The following ADAMTSL4 variants were observed in gnomAD, a reference collection of about 807,000 sequenced individuals.
ADAMTSL4 encodes ADAMTS like 4.
ADAMTSL4 carries 97 observed loss-of-function variants against 122.8 expected under a neutral mutation model. That is an observed-to-expected ratio of 0.79 (90% CI 0.67 to 0.93). ADAMTSL4 has a LOEUF of 0.93. Ranked by LOEUF, ADAMTSL4 falls within the 40% of genes least tolerant of loss-of-function variation. The probability of loss-of-function intolerance (pLI) is 0.00; values close to 1 mark genes in which losing one functional copy is unlikely to be tolerated. For missense variants in ADAMTSL4, 1,408 were observed against 1,453.5 expected, an observed-to-expected ratio of 0.97 and a Z score of 0.51; for synonymous variants, 592 against 568.0, an observed-to-expected ratio of 1.04 and a Z score of -0.60.
intron 13 of ADAMTSL4, 158 bp downstream of exon 13, chr1:150,557,781 C>T: frequency 2.3e-6 from 3 of 1,306,342 alleles, no homozygotes; most frequent in African/African-American, 1.5e-5. Context: ...AGCAAGAAAG[C>T]CATGGCAGGC....
chr1:150,553,690 T>C lies in ADAMTSL4; in HGVS notation c.699T>C (p.Pro233=), dbSNP rs1671682027. Residue 233 remains proline, a synonymous_variant, in exon 6 of 19, where the codon CCT becomes CCC. Transcript: ENST00000271643. ...TPSPQAEPLS[P]ETAQTEVAPR... is the part of the protein sequence containing the mutation. ...CCCCCCAAGCAGAACCTCTAAGCCC[T>C]GAAACTGCTCAGACAGAGGTGGCCC... 6.2e-7 allele frequency: 1 copy of C among 1,607,342 alleles called. No individual in the cohort carries two copies. Among genetic ancestry groups the C allele is most frequent in the Non-Finnish European group, 8.5e-7 (1 of 1,177,896 alleles).
chr1:150,554,356 T>G lies in ADAMTSL4; in HGVS notation c.1132-9T>G, dbSNP rs778620331. The stretch of plus-strand genomic sequence containing the variant: ...CCCAGCTCTGACTCCTTTGTACCCC[T>G]CACCGCAGCCCTGCCCCCCTGAGCA... On this transcript the variant is annotated splice_polypyrimidine_tract_variant and intron_variant, in intron 6 of 18. Transcript: ENST00000271643. The surrounding 1 kb of genome is among the most constrained non-coding windows in gnomAD (Gnocchi z 4.0). 1 of 1,611,398 alleles carries G rather than the reference T, an allele frequency of 6.2e-7. No individual in the cohort carries two copies. Among genetic ancestry groups the G allele is most frequent in the East Asian group, 2.2e-5 (1 of 44,848 alleles).
In ADAMTSL4 at chr1:150,557,964, A is replaced by T. The variant is rs771617093; in HGVS notation, c.2197A>T (p.Thr733Ser). The change falls in exon 14 of 19, where the codon ACA becomes TCA. Residue 733 changes from threonine to serine, a missense_variant. By Grantham distance (58) the Thr-to-Ser change is moderately conservative (BLOSUM62 1). Transcript: ENST00000271643. ...CTGCAGCTGGGAGGCTGGCGAGTGG[A>T]CATCCTGCAGCCGCTCCTGTGGCCC... is the stretch of plus-strand genomic sequence containing the variant. ...CPPYWEAGEW[T>S]SCSRSCGPGT... is the part of the protein sequence containing the mutation. The T allele has an allele frequency of 5.0e-6, 8 of 1,608,746 alleles. No homozygotes were observed. In the South Asian group the frequency reaches 5.5e-5, roughly 11 times the overall value.
chr1:150,554,779 A>G lies in ADAMTSL4; in HGVS notation c.1234+312A>G. ...GTGGGAGAGATCCTGTCCAGCCGTG[A>G]CAGCCAGGTGGGGGTGTGCCACGCA... On this transcript the variant is annotated intron_variant, in intron 7 of 18. Transcript: ENST00000271643. The surrounding 1 kb of genome is among the most constrained non-coding windows in gnomAD (Gnocchi z 4.0). 1 of 959,938 alleles carries G rather than the reference A, an allele frequency of 1.0e-6. No individual in the cohort carries two copies. Among genetic ancestry groups the G allele is most frequent in the Non-Finnish European group, 1.5e-6 (1 of 655,454 alleles). The allele number at this position is 959,938 out of a possible 1,614,324, so 59.5% of individuals were successfully genotyped here. A position where few individuals can be genotyped will look rare whatever the true frequency, so the allele number is the denominator to read the frequency against.
At position 150,552,742 on chromosome 1, in the gene ADAMTSL4, C is replaced by G. The variant is rs1671551900; in HGVS notation, c.78+142C>G. Reference sequence around the variant, plus strand: ...CTGCCAACTCCCCAGTTCCTTGCCTCATAACACCAAGAGGCCGAGGTGTAG... The same window carrying G: ...CTGCCAACTCCCCAGTTCCTTGCCTGATAACACCAAGAGGCCGAGGTGTAG... On this transcript the variant is annotated intron_variant, in intron 4 of 18. Coordinates refer to ENST00000271643, the MANE Select transcript of ADAMTSL4 (RefSeq NM_019032.6). This position sits in a 1 kb window ranked among gnomAD's most constrained non-coding sequence, Gnocchi z 4.0. 1 of 1,319,528 alleles carries G rather than the reference C, an allele frequency of 7.6e-7. No individual in the cohort carries two copies. The highest frequency in any genetic ancestry group is 2.4e-5 in the East Asian group (1 of 40,874). 81.7% of individuals were successfully genotyped at this position (1,319,528 alleles called of 1,614,324 possible).
rs587596747 is a variant in ADAMTSL4, at chr1:150,559,294, C to T, written c.2771C>T (p.Ser924Phe). Residue 924 changes from serine (S) to phenylalanine (F), a missense_variant, in exon 17 of 19, where the codon TCC (serine) becomes TTC (phenylalanine). By Grantham distance (155) the Ser-to-Phe change is radical. Transcript: ENST00000271643. This position sits in a 1 kb window ranked among gnomAD's most constrained non-coding sequence, Gnocchi z 4.1. ...GCCCTCCCCCTACACTAGTGCTCCT[C>T]CGAATGTGGCTCTGGCACACAGCGT... The part of the protein sequence containing the change: ...WYTGPWGECS[S>F]ECGSGTQRRD... The T allele has an allele frequency of 6.2e-7, 1 of 1,614,078 alleles. No individual in the cohort carries two copies. Among genetic ancestry groups the T allele is most frequent in the South Asian group, 1.1e-5 (1 of 91,084 alleles).
chr1:150,555,954 C>T, intron 8 of ADAMTSL4: 2 of 628,262 alleles, frequency 3.2e-6, no homozygotes, highest in South Asian at 1.9e-5. Context: ...GAATTCTCAC[C>T]TGCCAAGCTG....
intron 2 of ADAMTSL4, chr1:150,551,153 C>T: frequency 2.7e-6 from 1 of 370,986 alleles, no homozygotes. Flanking sequence ...AGATGGACTT[C>T]CCGGCTCTTC....
At position 150,552,159 on chromosome 1, in the gene ADAMTSL4, C is replaced by A; in HGVS notation, c.-84-46C>A. The A allele has an allele frequency of 1.0e-6, 1 of 964,850 alleles. No homozygotes were observed. The highest frequency in any genetic ancestry group is 1.6e-6 in the Non-Finnish European group (1 of 644,444). The allele number at this position is 964,850 out of a possible 1,614,324, so 59.8% of individuals were successfully genotyped here. ...TCTGAGCTGTCCTCCCAGCCCCAAG[C>A]TCTCTGGACACTGGAGAGGTAACCA... is the stretch of plus-strand genomic sequence containing the variant. On this transcript the variant is annotated intron_variant, in intron 2 of 18. Transcript: ENST00000271643. This position sits in a 1 kb window ranked among gnomAD's most constrained non-coding sequence, Gnocchi z 4.0.
intron 12 of ADAMTSL4, 42 bp from the exon 13 acceptor site, chr1:150,557,452 C>T: frequency 6.2e-7 from 1 of 1,612,504 alleles, no homozygotes. Flanking sequence ...TGAGCTTGGG[C>T]TCTAGCCTCC....
rs1672126735 is a variant in ADAMTSL4, at chr1:150,556,426, C to T, written c.1576+60C>T. 1 of 1,603,698 alleles carries T rather than the reference C, an allele frequency of 6.2e-7. No homozygotes were observed. The highest frequency in any genetic ancestry group is 8.5e-7 in the Non-Finnish European group (1 of 1,173,650). On this transcript the variant is annotated intron_variant, in intron 9 of 18. Coordinates refer to ENST00000271643, the MANE Select transcript of ADAMTSL4 (RefSeq NM_019032.6). This position sits in a 1 kb window ranked among gnomAD's most constrained non-coding sequence, Gnocchi z 4.1. Reference sequence around the variant, plus strand: ...CTCTGTTCGGCCCTCCATACCCCTACTCAGAGCAGTGAGCAAGCCAAACAG... The same window carrying T: ...CTCTGTTCGGCCCTCCATACCCCTATTCAGAGCAGTGAGCAAGCCAAACAG...
chr1:150,559,284 T>C lies in ADAMTSL4; in HGVS notation c.2764-3T>C. On this transcript the variant is annotated splice_region_variant and splice_polypyrimidine_tract_variant and intron_variant, in intron 16 of 18. Coordinates refer to ENST00000271643, the MANE Select transcript of ADAMTSL4 (RefSeq NM_019032.6). This position sits in a 1 kb window ranked among gnomAD's most constrained non-coding sequence, Gnocchi z 4.1. ...TCATCACCCTGCCCTCCCCCTACAC[T>C]AGTGCTCCTCCGAATGTGGCTCTGG... 1.2e-6 allele frequency: 2 copies of C among 1,612,470 alleles called. No homozygotes were observed. Among genetic ancestry groups the C allele is most frequent in the Middle Eastern group, 3.3e-4 (2 of 6,062 alleles).
intron 2 of ADAMTSL4, chr1:150,550,830 C>A (rs1288645849): frequency 8.8e-6 from 4 of 456,480 alleles, no homozygotes; most frequent in South Asian, 1.5e-5. Flanking sequence ...CCTCAAATTC[C>A]GAACCCTAGG....
In ADAMTSL4 at chr1:150,559,335, G is replaced by GTATC; in HGVS notation, c.2813_2816dup (p.Lys940IlefsTer83). ...CACACAGCGTAGAGACATCATCTGT[G>GTATC]TATCCAAACTGGGGACGGAGTTCAA... is the stretch of plus-strand genomic sequence containing the variant. On this transcript the variant is annotated frameshift_variant, in exon 17 of 19. Transcript: ENST00000271643. LOFTEE classifies it high-confidence loss of function. The surrounding 1 kb of genome is among the most constrained non-coding windows in gnomAD (Gnocchi z 4.1). 3.1e-6 allele frequency: 5 copies of GTATC among 1,614,032 alleles called. No homozygotes were observed. Among genetic ancestry groups the GTATC allele is most frequent in the Non-Finnish European group, 4.2e-6 (5 of 1,180,006 alleles).
Position 150,554,049 on chromosome 1 carries a change from G to A in ADAMTSL4, c.1058G>A (p.Ser353Asn), listed in dbSNP as rs1323479716. 1.9e-6 allele frequency: 3 copies of A among 1,608,392 alleles called. No individual in the cohort carries two copies. The highest frequency in any genetic ancestry group is 2.5e-6 in the Non-Finnish European group (3 of 1,179,964). Reference sequence around the variant, plus strand: ...GGCCCCCATGCCAGCTCCCTCTGGAGCCTCTTTGCTCCCAGTAGCCCTATT... The same window carrying A: ...GGCCCCCATGCCAGCTCCCTCTGGAACCTCTTTGCTCCCAGTAGCCCTATT... ...SNGPHASSLWSLFAPSSPIPR... is the reference protein window; with the variant it reads ...SNGPHASSLWNLFAPSSPIPR... Residue 353 changes from serine (S) to asparagine (N), a missense_variant, in exon 6 of 19, where the codon AGC (serine) becomes AAC (asparagine). Transcript: ENST00000271643. The surrounding 1 kb of genome is among the most constrained non-coding windows in gnomAD (Gnocchi z 4.0).
Position 150,559,577 on chromosome 1 carries a change from C to T in ADAMTSL4, c.2943+111C>T. 1 of 1,558,232 alleles carries T rather than the reference C, an allele frequency of 6.4e-7. No individual in the cohort carries two copies. On this transcript the variant is annotated intron_variant, in intron 17 of 18. Transcript: ENST00000271643. This position sits in a 1 kb window ranked among gnomAD's most constrained non-coding sequence, Gnocchi z 4.1. ...TCTCTGTGCCCCAGAATAAGCCCAG[C>T]CAAGCGTTACCACTGTCCTACTTCT...
rs1296503257 is a variant in ADAMTSL4, at chr1:150,557,586, TC to T, written c.2144del (p.Pro715LeufsTer104). 6.2e-7 allele frequency: 1 copy of T among 1,604,036 alleles called. No individual in the cohort carries two copies. The highest frequency in any genetic ancestry group is 1.1e-5 in the South Asian group (1 of 89,866). Reference sequence around the variant, plus strand: ...TGCCGCGGGTGCCAGGCCCCCAGCCTCCCCTGAACCCTGCCACGGCACCCCA... The same window carrying T: ...TGCCGCGGGTGCCAGGCCCCCAGCCTCCCTGAACCCTGCCACGGCACCCCA... ...SCAAGARPPA[S>X]PEPCHGTPCP... On this transcript the variant is annotated frameshift_variant, in exon 13 of 19. Transcript: ENST00000271643. LOFTEE classifies it high-confidence loss of function.
Position 150,556,097 on chromosome 1 carries a change from G to A in ADAMTSL4, c.1372-65G>A. ...GGTAGTGAGCTGAGGCTCCCGAGGG[G>A]ACCGGGGTGGGGTTGAGGTGGTGTC... On this transcript the variant is annotated intron_variant, in intron 8 of 18. Transcript: ENST00000271643. The surrounding 1 kb of genome is among the most constrained non-coding windows in gnomAD (Gnocchi z 4.1). 1 of 1,580,110 alleles carries A rather than the reference G, an allele frequency of 6.3e-7. No individual in the cohort carries two copies. The highest frequency in any genetic ancestry group is 8.7e-7 in the Non-Finnish European group (1 of 1,153,972).
At position 150,553,150 on chromosome 1, in the gene ADAMTSL4, C is replaced by T. The variant is rs1570925179; in HGVS notation, c.331C>T (p.Leu111Phe). ...GPRPQTSPET[L>F]PLYRTQSRGR... The stretch of plus-strand genomic sequence containing the variant: ...CAGACCCCAGACTTCTCCAGAAACC[C>T]TCCCCTTGTACAGGACACAGTCTCG... The change falls in exon 5 of 19, where the codon CTC (leucine) becomes TTC (phenylalanine). Residue 111 changes from leucine to phenylalanine, a missense_variant. By Grantham distance (22) the Leu-to-Phe change is conservative. Transcript: ENST00000271643. 1.9e-6 allele frequency: 3 copies of T among 1,613,058 alleles called. No individual in the cohort carries two copies. The highest frequency in any genetic ancestry group is 1.7e-5 in the Admixed American group (1 of 59,920).
Sources: allele counts gnomAD v4.1 joint callset, GRCh38; gene constraint gnomAD v4.1.1; non-coding constraint Gnocchi (gnomAD v3.1); transcripts MANE v1.5; gene names NCBI Gene and HGNC (gene_info 2026-07-23, HGNC 2026-07-21).